The following ARHGAP24 variants were observed in gnomAD, a reference collection of about 807,000 sequenced individuals.
The protein encoded by ARHGAP24 is Rho GTPase activating protein 24.
Under a neutral mutation model 76.4 loss-of-function variants are expected in ARHGAP24, and 50 were observed. That is an observed-to-expected ratio of 0.65 (90% CI 0.52 to 0.83). The LOEUF is 0.83. Ranked by LOEUF, ARHGAP24 falls within the 40% of genes least tolerant of loss-of-function variation. The pLI is 0.00. For missense variants in ARHGAP24, 930 were observed against 914.2 expected, an observed-to-expected ratio of 1.02 and a Z score of -0.22; for synonymous variants, 345 against 323.3, an observed-to-expected ratio of 1.07 and a Z score of -0.72.
intron 2 of ARHGAP24, among the ~76,000 whole-genome samples, chr4:85,593,075 G>A (rs551809587): frequency 2.6e-5 from 4 of 152,024 alleles, no homozygotes; most frequent in Admixed American, 2.0e-4. Flanking sequence ...CCCACCAATG[G>A]CATATGAGGG....
chr4:85,621,002 G>A (rs929646585), intron 2 of ARHGAP24, among the ~76,000 whole-genome samples: 32 of 151,800 alleles, frequency 2.1e-4, no homozygotes, highest in African/African-American at 7.5e-4. Flanking sequence ...CCAATATTTA[G>A]CTCCCACTTG....
chr4:85,767,355 G>A (rs146800298), intron 3 of ARHGAP24, among the ~76,000 whole-genome samples: 87 of 152,178 alleles, frequency 5.7e-4, no homozygotes, highest in African/African-American at 1.7e-3. Context: ...AGATGTAGTT[G>A]GTTATGTATG....
intron 3 of ARHGAP24, among the ~76,000 whole-genome samples, chr4:85,867,930 A>ATAT (rs1732299912): frequency 9.6e-6 from 1 of 103,848 alleles, no homozygotes; most frequent in Non-Finnish European, 2.1e-5. Context: ...CACACACACA[A>ATAT]ACCAAAACGT....
At chr4:85,506,529 G>A (rs1724055551) in intron 1 of ARHGAP24, among the ~76,000 whole-genome samples, 2 of 152,130 alleles carry the variant, frequency 1.3e-5, no homozygotes, top group African/African-American at 4.8e-5. Flanking sequence ...GCAAGGCTCT[G>A]TGGGCATGGG....
chr4:85,931,160 A>C, intron 4 of ARHGAP24: 1 of 1,057,714 alleles, frequency 9.5e-7, no homozygotes, highest in Non-Finnish European at 1.3e-6. Flanking sequence ...TTAGGACTGT[A>C]CAAGAGTGAT....
intron 3 of ARHGAP24, among the ~76,000 whole-genome samples, chr4:85,812,801 C>T (rs1729068856): frequency 6.6e-6 from 1 of 152,140 alleles, no homozygotes; most frequent in Non-Finnish European, 1.5e-5. Flanking sequence ...CTGGATTCTT[C>T]AAAAGACCCA....
chr4:85,573,554 A>G (rs1488753449), intron 2 of ARHGAP24, among the ~76,000 whole-genome samples: 1 of 152,242 alleles, frequency 6.6e-6, no homozygotes, highest in Non-Finnish European at 1.5e-5. Context: ...TATCAAAATC[A>G]TGCTATTTAA....
At chr4:85,775,078 A>G (rs1727262307) in intron 3 of ARHGAP24, among the ~76,000 whole-genome samples, 1 of 152,202 alleles carries the variant, frequency 6.6e-6, no homozygotes, top group African/African-American at 2.4e-5. Context: ...AAAATGGATA[A>G]TAAGTAAGGA....
intron 1 of ARHGAP24, among the ~76,000 whole-genome samples, chr4:85,476,196 A>G (rs755348188): frequency 6.6e-6 from 1 of 151,880 alleles, no homozygotes; most frequent in Non-Finnish European, 1.5e-5. Context: ...ACATTTAATG[A>G]TAAACATGTA....
At chr4:85,988,649 A>T (rs1442836571) in intron 8 of ARHGAP24, among the ~76,000 whole-genome samples, 2 of 151,632 alleles carry the variant, frequency 1.3e-5, no homozygotes, top group Non-Finnish European at 3.0e-5. Context: ...ATAAAAGAGG[A>T]GCAATTATCA....
At chr4:85,742,128 G>A (rs1210720664) in intron 3 of ARHGAP24, among the ~76,000 whole-genome samples, 3 of 152,196 alleles carry the variant, frequency 2.0e-5, no homozygotes, top group East Asian at 1.9e-4. Context: ...CTGTGGGGAA[G>A]ACACCATCTG....
intron 5 of ARHGAP24, among the ~76,000 whole-genome samples, chr4:85,943,209 A>G (rs1737051501): frequency 6.6e-6 from 1 of 152,190 alleles, no homozygotes; most frequent in Non-Finnish European, 1.5e-5. Flanking sequence ...TTTTTGGATA[A>G]GAGTAATCCT....
Position 85,892,078 on chromosome 4 carries a change from T to A in ARHGAP24, c.269-31570T>A, listed in dbSNP as rs1392531551. 3.5e-4 allele frequency among the ~76,000 whole-genome samples: 6 copies of A among 17,354 alleles called. 1 individual carries two copies. Among genetic ancestry groups the A allele is most frequent in the Admixed American group, 1.3e-3 (2 of 1,596 alleles). 11.4% of individuals were successfully genotyped at this position (17,354 alleles called of 152,430 possible). ...ATTCAGAGATTCAACTTCTTCCTGG[T>A]TTAGTCTTGGGAGAGTGTATGTGTC... On this transcript the variant is annotated intron_variant, in intron 3 of 9. Coordinates refer to ENST00000395184, the MANE Select transcript of ARHGAP24 (RefSeq NM_001025616.3).
At chr4:85,874,031 T>A (rs572820117) in intron 3 of ARHGAP24, among the ~76,000 whole-genome samples, 1 of 152,300 alleles carries the variant, frequency 6.6e-6, no homozygotes, top group East Asian at 1.9e-4. Context: ...TTTTAAAAAA[T>A]CTGTATCTTA....
chr4:85,999,170 T>TTC (rs1171819543), intron 9 of ARHGAP24, among the ~76,000 whole-genome samples: 1 of 152,074 alleles, frequency 6.6e-6, no homozygotes, highest in Non-Finnish European at 1.5e-5. Flanking sequence ...AGGGTTGTCC[T>TTC]TCTCAGTATT....
intron 1 of ARHGAP24, among the ~76,000 whole-genome samples, chr4:85,557,671 T>C (rs545655837): frequency 9.0e-4 from 6 of 6,654 alleles, no homozygotes; most frequent in African/African-American, 8.4e-4. Context: ...CACCACTCTT[T>C]ATTCTCTCCG....
chr4:85,926,951 A>G (rs1736053225), intron 4 of ARHGAP24, among the ~76,000 whole-genome samples: 1 of 152,184 alleles, frequency 6.6e-6, no homozygotes, highest in Non-Finnish European at 1.5e-5. Context: ...TATTGATCGT[A>G]TATTCTTCAG....
At chr4:85,880,503 C>T (rs1733184594) in intron 3 of ARHGAP24, among the ~76,000 whole-genome samples, 1 of 139,674 alleles carries the variant, frequency 7.2e-6, no homozygotes, top group Non-Finnish European at 1.5e-5. Context: ...AAGCATTTAT[C>T]ATGAATGCAT....
intron 3 of ARHGAP24, among the ~76,000 whole-genome samples, chr4:85,836,975 AGG>A (rs1017809707): frequency 6.6e-6 from 1 of 151,978 alleles, no homozygotes; most frequent in African/African-American, 2.4e-5. Flanking sequence ...AATGCCAAAA[AGG>A]AGGGGGAAAA....
Sources: gnomAD v4.1 joint callset for allele counts (sites outside exome capture counted in the v4.1 genomes callset) on GRCh38, gnomAD v4.1.1 for gene constraint, MANE v1.5 for transcripts, NCBI Gene and HGNC (gene_info 2026-07-23, HGNC 2026-07-21) for gene names.